FKBP5: variants seen among roughly 807,000 people sequenced by gnomAD.
The protein encoded by FKBP5 is FKBP prolyl isomerase 5.
FKBP5 carries 23 observed loss-of-function variants against 50.5 expected under a neutral mutation model. The ratio of observed to expected loss-of-function variants is 0.46; its 90% confidence interval spans 0.33 to 0.65. The LOEUF (loss-of-function observed/expected upper bound fraction) is 0.65. FKBP5 is among the 30% of genes least tolerant of loss of function. The pLI is 0.02. For synonymous variants in FKBP5, 176 were observed against 190.6 expected (o/e 0.92, Z 0.63); for missense variants, 411 against 553.1 (o/e 0.74, Z 2.58).
chr6:35,642,667 A>C, intron 2 of FKBP5, 53 bp downstream of exon 2: 2 of 1,410,606 alleles, frequency 1.4e-6, no homozygotes, highest in Middle Eastern at 3.6e-4. Flanking sequence ...GAGATGCTAT[A>C]ATCTTTCCAG....
intron 2 of FKBP5, among the ~76,000 whole-genome samples, chr6:35,714,984 T>G (rs928924896): frequency 2.6e-5 from 4 of 151,110 alleles, no homozygotes; most frequent in African/African-American, 9.7e-5. Flanking sequence ...GTCGGCTCAC[T>G]GCAACCTCCA....
chr6:35,607,464 A>G (rs1300897595), intron 5 of FKBP5, among the ~76,000 whole-genome samples: 4 of 151,930 alleles, frequency 2.6e-5, no homozygotes, highest in African/African-American at 9.7e-5. Context: ...TTGGCCTCCC[A>G]AAGTGCTGGG....
chr6:35,583,072 G>A (rs917431557), intron 8 of FKBP5: 4 of 982,100 alleles, frequency 4.1e-6, no homozygotes, highest in Non-Finnish European at 4.8e-6. Flanking sequence ...GGGTGACAGA[G>A]TAAGACCCTC....
At chr6:35,588,930 G>A (rs947723506) in intron 7 of FKBP5, among the ~76,000 whole-genome samples, 3 of 150,792 alleles carry the variant, frequency 2.0e-5, no homozygotes, top group Non-Finnish European at 3.0e-5. Flanking sequence ...TTTGCAGAGA[G>A]GGGGGTCTCA....
upstream of FKBP5, among the ~76,000 whole-genome samples, chr6:35,689,768 C>T (rs1367651839): frequency 6.6e-6 from 1 of 152,242 alleles, no homozygotes; most frequent in African/African-American, 2.4e-5. Flanking sequence ...ACCTGGGAGG[C>T]AGAGGTTGTA....
intron 8 of FKBP5, chr6:35,585,956 G>A (rs1292256433): frequency 4.1e-6 from 4 of 984,174 alleles, no homozygotes; most frequent in Non-Finnish European, 4.8e-6. Context: ...TGACAAGGTT[G>A]TAACTTAATA....
chr6:35,665,586 G>C (rs1364961386), intron 1 of FKBP5, among the ~76,000 whole-genome samples: 1 of 152,050 alleles, frequency 6.6e-6, no homozygotes, highest in East Asian at 1.9e-4. Context: ...ACCGTGCCTG[G>C]CCATAAATGT....
chr6:35,620,220 A>C lies in FKBP5; in HGVS notation c.305T>G (p.Ile102Arg), dbSNP rs1763790680. 3.1e-6 allele frequency: 5 copies of C among 1,614,172 alleles called. No homozygotes were observed. The highest frequency in any genetic ancestry group is 1.1e-5 in the South Asian group (1 of 91,090). The change falls in exon 4 of 11, where the codon ATA (isoleucine) becomes AGA (arginine). Residue 102 changes from isoleucine to arginine, a missense_variant. Around this residue, in one of 3 missense-constraint regions of FKBP5, gnomAD observed 267 missense variants for 405.9 expected, o/e 0.66. Transcript: ENST00000357266. ...TTCTGGTTTGCACAGTAAATGGCAT[A>C]TCTCTCCTTTCTTCATGGTAGCCAC... is the stretch of plus-strand genomic sequence containing the variant. ...IGVATMKKGE[I>R]CHLLCKPEYA...
chr6:35,590,981 C>T (rs1762803463), intron 7 of FKBP5, 149 bp downstream of exon 7: 1 of 491,450 alleles, frequency 2.0e-6, no homozygotes, highest in Non-Finnish European at 3.7e-6. Context: ...TTGTTCTATT[C>T]TTCAGCAGCA....
At chr6:35,716,251 T>C (rs1185596908) in intron 2 of FKBP5, among the ~76,000 whole-genome samples, 5 of 152,140 alleles carry the variant, frequency 3.3e-5, no homozygotes, top group Admixed American at 1.3e-4. Flanking sequence ...CACACACCCA[T>C]AGTCCTAGGT....
chr6:35,710,175 T>C (rs889914398), intron 2 of FKBP5, among the ~76,000 whole-genome samples: 3 of 152,160 alleles, frequency 2.0e-5, no homozygotes, highest in Admixed American at 6.6e-5. Context: ...CCTCTGCACC[T>C]AACCAGAAGT....
chr6:35,631,758 C>T (rs1764163682), intron 3 of FKBP5, among the ~76,000 whole-genome samples: 1 of 151,884 alleles, frequency 6.6e-6, no homozygotes, highest in African/African-American at 2.4e-5. Flanking sequence ...AGATCAAGAC[C>T]ATCCTGGCCA....
chr6:35,592,362 C>T (rs761899911), intron 6 of FKBP5, among the ~76,000 whole-genome samples: 1 of 152,132 alleles, frequency 6.6e-6, no homozygotes, highest in Non-Finnish European at 1.5e-5. Context: ...CTTACTCACT[C>T]ACCTCCACTG....
At chr6:35,614,389 T>C (rs1341485236) in intron 5 of FKBP5, among the ~76,000 whole-genome samples, 2 of 152,142 alleles carry the variant, frequency 1.3e-5, no homozygotes, top group African/African-American at 4.8e-5. Context: ...TTTAAAATCA[T>C]GGTAATGTTT....
At chr6:35,725,913 G>T (rs1283987417) in intron 1 of FKBP5, among the ~76,000 whole-genome samples, 1 of 152,162 alleles carries the variant, frequency 6.6e-6, no homozygotes, top group Non-Finnish European at 1.5e-5. Context: ...CCCACAGCTC[G>T]GGGCACCGCA....
rs1390610235 is a variant in FKBP5 at position 35,573,590 on chromosome 6, TCA to T, written c.*2243_*2244del. On this transcript the variant is annotated 3_prime_UTR_variant, in exon 11 of 11. Transcript: ENST00000357266. ...AAGCAAAACCAAAAACAATGGGAAG[TCA>T]CATTTTTTTTGGATTTATTTAAAGA... 2 of 152,048 alleles carry T rather than the reference TCA, an allele frequency of 1.3e-5. No homozygotes were observed. The highest frequency in any genetic ancestry group is 2.9e-5 in the Non-Finnish European group (2 of 68,020). 9.4% of individuals were successfully genotyped at this position (152,048 alleles called of 1,614,324 possible). A position where few individuals can be genotyped will look rare whatever the true frequency, so the allele number is the denominator to read the frequency against.
intron 3 of FKBP5, among the ~76,000 whole-genome samples, chr6:35,629,009 G>A (rs553085799): frequency 7.9e-5 from 12 of 152,280 alleles, no homozygotes; most frequent in African/African-American, 2.2e-4. Flanking sequence ...GAGCCACCAC[G>A]CCTGGCCTAG....
intron 2 of FKBP5, among the ~76,000 whole-genome samples, chr6:35,708,316 G>A (rs1265565874): frequency 1.3e-5 from 2 of 152,140 alleles, no homozygotes; most frequent in Non-Finnish European, 2.9e-5. Flanking sequence ...GTGCAGTGGT[G>A]TGATCTCAGC....
At chr6:35,663,955 T>C (rs1273937731) in intron 1 of FKBP5, among the ~76,000 whole-genome samples, 3 of 152,226 alleles carry the variant, frequency 2.0e-5, no homozygotes, top group South Asian at 2.1e-4. Flanking sequence ...GCAAATCTAA[T>C]GGACGAGCTA....
Sources: gnomAD v4.1 joint callset for allele counts (sites outside exome capture counted in the v4.1 genomes callset) on GRCh38, gnomAD v4.1.1 for gene constraint, gnomAD v4.1.1 regional missense constraint, MANE v1.5 for transcripts, NCBI Gene and HGNC (gene_info 2026-07-23, HGNC 2026-07-21) for gene names.